Variants in SMOC2 observed in about 807,000 individuals in gnomAD.
The protein encoded by SMOC2 is SPARC related modular calcium binding 2.
In SMOC2, 39 loss-of-function variants were observed where a neutral mutation model predicts 61.4. The observed-to-expected ratio is 0.64, with a 90% CI of 0.49 to 0.83. The LOEUF (loss-of-function observed/expected upper bound fraction) is 0.83. SMOC2 is among the 40% of genes least tolerant of loss of function. The pLI is 0.00. For missense variants in SMOC2, 556 were observed against 592.9 expected (o/e 0.94, Z 0.65); for synonymous variants, 247 against 239.9 (o/e 1.03, Z -0.27).
rs557666903 is a variant in SMOC2, at chr6:168,621,728, C to T, written c.907+13489C>T. ...AACCATCAGATCTCACGATCTCACG[C>T]GGACTCACTCGCTATCTGGAGAACA... On this transcript the variant is annotated intron_variant, in intron 9 of 12. Coordinates refer to ENST00000356284, the MANE Select transcript of SMOC2 (RefSeq NM_001166412.2). 9.2e-5 allele frequency among the ~76,000 whole-genome samples: 14 copies of T among 151,978 alleles called. No homozygotes were observed. The East Asian group carries it at 2.1e-3, about 23-fold the overall frequency.
chr6:168,475,896 G>A lies in SMOC2; in HGVS notation c.85-34019G>A, dbSNP rs959787481. 7.9e-5 allele frequency among the ~76,000 whole-genome samples: 12 copies of A among 152,068 alleles called. No individual in the cohort carries two copies. Among genetic ancestry groups the A allele is most frequent in the African/African-American group, 1.2e-4 (5 of 41,526 alleles). ...CGTGGGCTTCACGGGGGTCTGTGTC[G>A]TTAACTGAGGGGCAGGCAGGAGCAG... On this transcript the variant is annotated intron_variant, in intron 1 of 12. Transcript: ENST00000356284. This position sits in a 1 kb window ranked among gnomAD's most constrained non-coding sequence, Gnocchi z 4.6.
intron 7 of SMOC2, among the ~76,000 whole-genome samples, chr6:168,595,830 T>C (rs1163585432): frequency 2.0e-5 from 3 of 152,260 alleles, no homozygotes; most frequent in East Asian, 3.8e-4. Flanking sequence ...TATGATAAGC[T>C]TTCAAATATC....
rs866196671 is a variant in SMOC2, at chr6:168,600,339, G to A, written c.824+1335G>A. Among the ~76,000 whole-genome samples the A allele has an allele frequency of 7.0e-5, 10 of 143,672 alleles. No individual in the cohort carries two copies. The East Asian group carries it at 8.4e-4, about 12-fold the overall frequency. 94.3% of individuals were successfully genotyped at this position (143,672 alleles called of 152,430 possible). ...GGAGAATTGCTTGAATCCGGGAGGCGGAGGTTGCAGTGAGCCAAGATCACA... is the reference window on the plus strand; with the variant it reads ...GGAGAATTGCTTGAATCCGGGAGGCAGAGGTTGCAGTGAGCCAAGATCACA... On this transcript the variant is annotated intron_variant, in intron 8 of 12. Transcript: ENST00000356284.
intron 7 of SMOC2, among the ~76,000 whole-genome samples, chr6:168,579,144 C>G (rs1369393578): frequency 6.6e-6 from 1 of 152,206 alleles, no homozygotes; most frequent in Admixed American, 6.5e-5. Context: ...GGCCCTTATC[C>G]CCAGGTCACA....
intron 9 of SMOC2, among the ~76,000 whole-genome samples, chr6:168,617,217 A>G (rs1387803195): frequency 6.6e-6 from 1 of 152,090 alleles, no homozygotes; most frequent in Non-Finnish European, 1.5e-5. Context: ...AAGAACAGGA[A>G]TAGAGAAATT....
intron 1 of SMOC2, among the ~76,000 whole-genome samples, chr6:168,445,315 C>G (rs1562533332): frequency 6.6e-6 from 1 of 152,186 alleles, no homozygotes; most frequent in Non-Finnish European, 1.5e-5. Flanking sequence ...GGTCTGGCAC[C>G]TGGTAAATGC....
chr6:168,538,937 G>A (rs1032389024), intron 4 of SMOC2, among the ~76,000 whole-genome samples: 8 of 152,086 alleles, frequency 5.3e-5, no homozygotes, highest in Non-Finnish European at 8.8e-5. Context: ...CAGCAGAGAT[G>A]AGCCCCAGGG....
chr6:168,650,687 C>T lies in SMOC2; in HGVS notation c.914C>T (p.Pro305Leu), dbSNP rs148223188. The T allele has an allele frequency of 1.3e-5, 21 of 1,613,278 alleles. No homozygotes were observed. In the East Asian group the frequency reaches 2.2e-4, roughly 17 times the overall value. ...LYKGRQLQGC[P>L]GAKKHEFLTS... is the part of the protein sequence containing the mutation. ...ACATACACGTGTTTTTCAGGTTGTCCGGGTGCCAAAAAGCATGAGTTTCTG... is the reference window on the plus strand; with the variant it reads ...ACATACACGTGTTTTTCAGGTTGTCTGGGTGCCAAAAAGCATGAGTTTCTG... The change falls in exon 10 of 13, where the codon CCG becomes CTG. Residue 305 changes from proline (P) to leucine (L), a missense_variant. By Grantham distance (98) the Pro-to-Leu change is moderately conservative (BLOSUM62 -3). Transcript: ENST00000356284.
At chr6:168,443,917 A>G (rs148750051) in intron 1 of SMOC2, among the ~76,000 whole-genome samples, 209 of 152,308 alleles carry the variant, frequency 1.4e-3, no homozygotes, top group African/African-American at 4.9e-3. Flanking sequence ...ATGAGAATAC[A>G]TAATCTCTTT....
intron 2 of SMOC2, among the ~76,000 whole-genome samples, chr6:168,512,041 C>G (rs1303215262): frequency 6.6e-6 from 1 of 152,008 alleles, no homozygotes; most frequent in Admixed American, 6.6e-5. Context: ...GATGCTGTTT[C>G]TAAAGTGTTT....
rs1562407438 is a variant in SMOC2 at position 168,654,429 on chromosome 6, C to CTCTACCTGAGCTCCAACCAAA, written c.1285+1202_1285+1203insCTACCTGAGCTCCAACCAAAT. Among the ~76,000 whole-genome samples the CTCTACCTGAGCTCCAACCAAA allele has an allele frequency of 3.9e-4, 12 of 30,582 alleles. 3 individuals carry two copies. Among genetic ancestry groups the CTCTACCTGAGCTCCAACCAAA allele is most frequent in the Admixed American group, 7.1e-4 (3 of 4,242 alleles). 20.1% of individuals were successfully genotyped at this position (30,582 alleles called of 152,430 possible). On this transcript the variant is annotated intron_variant, in intron 11 of 12. Coordinates refer to ENST00000356284, the MANE Select transcript of SMOC2 (RefSeq NM_001166412.2). ...ACCAAATGTTAGGAACTCACCACCCCTGTACCTGAGCTCCAACCAAATGTT... is the reference window on the plus strand; with the variant it reads ...ACCAAATGTTAGGAACTCACCACCCCTCTACCTGAGCTCCAACCAAATGTACCTGAGCTCCAACCAAATGTT...
intron 7 of SMOC2, among the ~76,000 whole-genome samples, chr6:168,597,544 G>C (rs889470791): frequency 6.6e-6 from 1 of 152,228 alleles, no homozygotes; most frequent in Non-Finnish European, 1.5e-5. Context: ...CACCAGCTAT[G>C]GCAGTGCTGA....
chr6:168,665,645 C>G (rs567237070), intron 12 of SMOC2, among the ~76,000 whole-genome samples: 2 of 152,384 alleles, frequency 1.3e-5, no homozygotes, highest in South Asian at 4.1e-4. Context: ...ACCGTCTCCT[C>G]CTGCAATCCT....
intron 7 of SMOC2, among the ~76,000 whole-genome samples, chr6:168,550,108 T>C (rs1444572229): frequency 6.6e-6 from 1 of 152,232 alleles, no homozygotes. Context: ...TCTCAGTTGA[T>C]TGCTTGTGTG....
chr6:168,546,827 C>CTA (rs1784014536), intron 5 of SMOC2, among the ~76,000 whole-genome samples: 1 of 152,236 alleles, frequency 6.6e-6, no homozygotes, highest in African/African-American at 2.4e-5. Flanking sequence ...CCTTCCTCAT[C>CTA]TGCCCTATGG....
chr6:168,512,915 A>T (rs1783042539), intron 2 of SMOC2, among the ~76,000 whole-genome samples: 1 of 152,208 alleles, frequency 6.6e-6, no homozygotes, highest in African/African-American at 2.4e-5. Context: ...AAACAACAAC[A>T]CTTGGAAAAT....
intron 1 of SMOC2, among the ~76,000 whole-genome samples, chr6:168,495,860 C>T (rs6936758): frequency 0.043 from 6,486 of 152,312 alleles, 447 homozygotes; most frequent in African/African-American, 0.15. Flanking sequence ...GTTCACCCAC[C>T]CACACGGCCC....
intron 7 of SMOC2, among the ~76,000 whole-genome samples, chr6:168,568,135 C>T (rs920453549): frequency 3.4e-5 from 5 of 146,178 alleles, no homozygotes; most frequent in African/African-American, 1.0e-4. Context: ...AGGCGAAGAC[C>T]GGATGGTGTG....
chr6:168,545,356 C>A (rs548037802), intron 5 of SMOC2, among the ~76,000 whole-genome samples: 1 of 152,228 alleles, frequency 6.6e-6, no homozygotes, highest in East Asian at 1.9e-4. Context: ...AGAGGGGATA[C>A]CTGGATTAAG....
Sources: allele counts gnomAD v4.1 joint callset (sites outside exome capture counted in the v4.1 genomes callset), GRCh38; gene constraint gnomAD v4.1.1; non-coding constraint Gnocchi (gnomAD v3.1); transcripts MANE v1.5; gene names NCBI Gene and HGNC (gene_info 2026-07-23, HGNC 2026-07-21).